DNAL1: variants seen among roughly 807,000 people sequenced by gnomAD.
DNAL1 encodes chromosome 14 open reading frame 168.
In DNAL1, 17 loss-of-function variants were observed where a neutral mutation model predicts 29.4. The observed-to-expected ratio is 0.58, with a 90% CI of 0.40 to 0.87. The LOEUF (loss-of-function observed/expected upper bound fraction) is 0.87. Ranked by LOEUF, DNAL1 falls within the 40% of genes least tolerant of loss-of-function variation. The pLI is 0.00. For missense variants in DNAL1, 188 were observed against 214.1 expected (o/e 0.88, Z 0.76); for synonymous variants, 78 against 76.3 (o/e 1.02, Z -0.12).
chr14:73,675,241 T>A (rs1240684031), intron 5 of DNAL1, among the ~76,000 whole-genome samples: 1 of 151,668 alleles, frequency 6.6e-6, no homozygotes, highest in Non-Finnish European at 1.5e-5. Flanking sequence ...CAAATCCTAA[T>A]GACCATTCAG....
At chr14:73,685,460 A>AT (rs200537222) in intron 5 of DNAL1, among the ~76,000 whole-genome samples, 6,655 of 139,578 alleles carry the variant, frequency 0.048, 477 homozygotes, top group African/African-American at 0.15. Context: ...TTTCTGCTTA[A>AT]TTTTTTTTTT....
chr14:73,677,377 C>T (rs1291376025), intron 5 of DNAL1, among the ~76,000 whole-genome samples: 1 of 151,018 alleles, frequency 6.6e-6, no homozygotes, highest in Non-Finnish European at 1.5e-5. Flanking sequence ...GCTATGTTGT[C>T]CAGGCTGAAC....
intron 2 of DNAL1, among the ~76,000 whole-genome samples, chr14:73,658,028 T>C (rs1891256320): frequency 1.3e-5 from 2 of 152,368 alleles, no homozygotes; most frequent in Middle Eastern, 3.4e-3. Flanking sequence ...AGTGGCTTTA[T>C]AGTTTTGAGT....
At chr14:73,656,474 C>A (rs1193175061) in intron 2 of DNAL1, among the ~76,000 whole-genome samples, 5 of 149,520 alleles carry the variant, frequency 3.3e-5, no homozygotes, top group African/African-American at 1.2e-4. Context: ...CGCTCTGTCA[C>A]CCAGGCTGGA....
rs10547955 is a variant in DNAL1, at chr14:73,659,161, A to ATTTT, written c.152+220_152+223dup. On this transcript the variant is annotated intron_variant, in intron 3 of 7. Coordinates refer to ENST00000553645, the MANE Select transcript of DNAL1 (RefSeq NM_031427.4). Reference sequence around the variant, plus strand: ...AGAAAATATTGAACAGTATAGTACAATTTTTTTTTTTTTTTTTTGAGATGG... The same window carrying ATTTT: ...AGAAAATATTGAACAGTATAGTACAATTTTTTTTTTTTTTTTTTTTTTGAGATGG... Among the ~76,000 whole-genome samples, 2 of 140,850 alleles carry ATTTT rather than the reference A, an allele frequency of 1.4e-5. 1 individual carries two copies. Among genetic ancestry groups the ATTTT allele is most frequent in the African/African-American group, 5.3e-5 (2 of 37,540 alleles). The allele number at this position is 140,850 out of a possible 152,430, so 92.4% of individuals were successfully genotyped here.
intron 4 of DNAL1, among the ~76,000 whole-genome samples, chr14:73,663,291 C>T (rs576893197): frequency 4.0e-5 from 6 of 150,822 alleles, no homozygotes; most frequent in South Asian, 4.2e-4. Context: ...CTACAACCTC[C>T]GCCTCCTAGG....
chr14:73,690,984 T>C (rs1370215285), intron 7 of DNAL1, among the ~76,000 whole-genome samples: 2 of 152,186 alleles, frequency 1.3e-5, no homozygotes, highest in Non-Finnish European at 2.9e-5. Flanking sequence ...TTAAGATCAG[T>C]GTCAGCATCA....
rs368673801 is a variant in DNAL1 at position 73,687,383 on chromosome 14, G to A, written c.389G>A (p.Trp130Ter). Residue 130 changes from tryptophan to a stop codon, truncating the protein, a stop_gained and splice_region_variant, in exon 6 of 8, where the codon TGG becomes TAG. Transcript: ENST00000553645. LOFTEE classifies it high-confidence loss of function. ...LYMSNNLVKD[W>*]AEFVKLAELP... ...ATGTCTAATAACCTGGTAAAAGACT[G>A]GGGTAAGCTGAGAGTGGCCCTTTGC... 1.3e-6 allele frequency: 2 copies of A among 1,592,108 alleles called. No individual in the cohort carries two copies. The highest frequency in any genetic ancestry group is 2.7e-5 in the African/African-American group (2 of 73,990).
intron 5 of DNAL1, among the ~76,000 whole-genome samples, chr14:73,677,003 C>G (rs1346547940): frequency 7.0e-6 from 1 of 142,216 alleles, no homozygotes; most frequent in African/African-American, 2.6e-5. Flanking sequence ...TGCAGTCTTG[C>G]TCTGTCGCCC....
At chr14:73,646,790 G>T (rs1282707792) in intron 1 of DNAL1, among the ~76,000 whole-genome samples, 1 of 151,870 alleles carries the variant, frequency 6.6e-6, no homozygotes, top group Non-Finnish European at 1.5e-5. Context: ...ACATAGAAAA[G>T]TTACAGTATT....
intron 5 of DNAL1, among the ~76,000 whole-genome samples, chr14:73,677,890 GTGTGTGT>G (rs1367744278): frequency 1.1e-5 from 1 of 92,818 alleles, no homozygotes; most frequent in Non-Finnish European, 3.0e-5. Context: ...ATATTTGTGT[GTGTGTGT>G]GTGTGTGTGT....
At chr14:73,686,977 G>A (rs1178587949) in intron 5 of DNAL1, among the ~76,000 whole-genome samples, 4 of 151,104 alleles carry the variant, frequency 2.6e-5, no homozygotes, top group Non-Finnish European at 5.9e-5. Context: ...CCCTCTTGGT[G>A]ATTTCAGTAT....
At chr14:73,685,057 C>G (rs1171672865) in intron 5 of DNAL1, among the ~76,000 whole-genome samples, 2 of 152,176 alleles carry the variant, frequency 1.3e-5, no homozygotes, top group Admixed American at 6.5e-5. Flanking sequence ...ATTTTAATAG[C>G]TGAGAGGAAC....
At chr14:73,647,641 T>C (rs1891011206) in intron 1 of DNAL1, among the ~76,000 whole-genome samples, 1 of 152,188 alleles carries the variant, frequency 6.6e-6, no homozygotes, top group Non-Finnish European at 1.5e-5. Flanking sequence ...CTGTCCTTAG[T>C]TGGCCAGTTT....
intron 1 of DNAL1, 95 bp from the exon 2 acceptor site, chr14:73,654,752 C>T: frequency 1.7e-6 from 2 of 1,199,548 alleles, no homozygotes; most frequent in Non-Finnish European, 2.2e-6. Flanking sequence ...GAGCAAGATT[C>T]TGTCTCAAAA....
chr14:73,687,123 A>G (rs1892037958), intron 5 of DNAL1, 136 bp from the exon 6 acceptor site: 5 of 1,053,946 alleles, frequency 4.7e-6, no homozygotes, highest in Non-Finnish European at 5.2e-6. Context: ...AACCTCCCAC[A>G]CAACTACTAG....
rs190344759 is a variant in DNAL1 at position 73,685,499 on chromosome 14, G to T, written c.265-1760G>T. On this transcript the variant is annotated intron_variant, in intron 5 of 7. Transcript: ENST00000553645. ...TTTTGAGACTGAGTCTCACTGTATC[G>T]CTGAGGCTGGAGTGCAGTTGCGCAA... 2.9e-5 allele frequency among the ~76,000 whole-genome samples: 4 copies of T among 139,842 alleles called. No individual in the cohort carries two copies. The East Asian group carries it at 6.6e-4, about 23-fold the overall frequency. The allele number at this position is 139,842 out of a possible 152,430, so 91.7% of individuals were successfully genotyped here.
intron 6 of DNAL1, among the ~76,000 whole-genome samples, chr14:73,689,100 C>G (rs957986244): frequency 7.7e-6 from 1 of 129,566 alleles, no homozygotes; most frequent in Non-Finnish European, 1.5e-5. Flanking sequence ...TTGGTGCAAT[C>G]TCTGCTCACT....
chr14:73,691,836 G>A (rs1892178070), intron 7 of DNAL1, among the ~76,000 whole-genome samples: 1 of 124,514 alleles, frequency 8.0e-6, no homozygotes, highest in Non-Finnish European at 1.7e-5. Flanking sequence ...TGGAACTACA[G>A]GCGTGCGCCA....
Sources: gnomAD v4.1 joint callset for allele counts (sites outside exome capture counted in the v4.1 genomes callset) on GRCh38, gnomAD v4.1.1 for gene constraint, MANE v1.5 for transcripts, NCBI Gene and HGNC (gene_info 2026-07-23, HGNC 2026-07-21) for gene names.